ARHGAP42: variants seen among roughly 807,000 people sequenced by gnomAD.
The protein encoded by ARHGAP42 is Rho GTPase activating protein 42.
ARHGAP42 carries 63 observed loss-of-function variants against 125.0 expected under a neutral mutation model. The observed-to-expected ratio is 0.50, with a 90% CI of 0.41 to 0.62. The LOEUF is 0.62. ARHGAP42 is among the 20% of genes least tolerant of loss of function. The pLI, the probability that ARHGAP42 is intolerant of heterozygous loss-of-function variation, is 0.00. For missense variants in ARHGAP42, 766 were observed against 1,024.2 expected, an observed-to-expected ratio of 0.75 and a Z score of 3.44; for synonymous variants, 339 against 351.0, an observed-to-expected ratio of 0.97 and a Z score of 0.38.
intron 10 of ARHGAP42, among the ~76,000 whole-genome samples, chr11:100,944,984 G>C (rs138861145): frequency 6.6e-6 from 1 of 152,020 alleles, no homozygotes; most frequent in Non-Finnish European, 1.5e-5. Flanking sequence ...CTGTTTGATA[G>C]CATTTTACTC....
At chr11:100,930,582 G>C (rs1376759153) in intron 6 of ARHGAP42, among the ~76,000 whole-genome samples, 1 of 152,178 alleles carries the variant, frequency 6.6e-6, no homozygotes, top group African/African-American at 2.4e-5. Flanking sequence ...AATTCTGCTA[G>C]AAGCTGCCAA....
At chr11:100,694,570 C>G (rs1565531032) in intron 1 of ARHGAP42, among the ~76,000 whole-genome samples, 1 of 152,176 alleles carries the variant, frequency 6.6e-6, no homozygotes, top group Admixed American at 6.5e-5. Context: ...CCTGCAGCTC[C>G]ACCTGCCACC....
chr11:100,814,338 G>C (rs1317837804), intron 3 of ARHGAP42, among the ~76,000 whole-genome samples: 1 of 147,060 alleles, frequency 6.8e-6, no homozygotes, highest in Non-Finnish European at 1.5e-5. Context: ...ACTCCAACCT[G>C]GCGACAGAGC....
intron 3 of ARHGAP42, among the ~76,000 whole-genome samples, chr11:100,800,195 C>T (rs1863817980): frequency 6.6e-6 from 1 of 152,032 alleles, no homozygotes. Flanking sequence ...GACAATGGTG[C>T]TGGATTAAGG....
chr11:100,960,995 T>C lies in ARHGAP42; in HGVS notation c.1300+6T>C. The C allele has an allele frequency of 6.5e-7, 1 of 1,529,696 alleles. No homozygotes were observed. The highest frequency in any genetic ancestry group is 8.8e-7 in the Non-Finnish European group (1 of 1,135,576). 94.8% of individuals were successfully genotyped at this position (1,529,696 alleles called of 1,614,324 possible). ...ACTCATGAATACCACATTTTGTAAG[T>C]TTTGGATGAAGCAACTTACATAATT... On this transcript the variant is annotated splice_donor_region_variant and intron_variant, in intron 14 of 23. Transcript: ENST00000298815.
At chr11:100,727,520 A>C (rs1213127128) in intron 1 of ARHGAP42, among the ~76,000 whole-genome samples, 1 of 152,170 alleles carries the variant, frequency 6.6e-6, no homozygotes, top group African/African-American at 2.4e-5. Flanking sequence ...TTGAACTTTC[A>C]GCTCCACCCC....
intron 4 of ARHGAP42, among the ~76,000 whole-genome samples, chr11:100,866,875 A>T (rs1001205513): frequency 6.6e-6 from 1 of 152,204 alleles, no homozygotes; most frequent in Non-Finnish European, 1.5e-5. Flanking sequence ...TTGAAAGTCA[A>T]AATTACTTCT....
intron 4 of ARHGAP42, among the ~76,000 whole-genome samples, chr11:100,865,920 C>T (rs540079332): frequency 5.3e-5 from 8 of 152,142 alleles, no homozygotes; most frequent in Non-Finnish European, 1.2e-4. Context: ...AAGAAGACTA[C>T]AGTGAAGTTT....
rs963933455 is a variant in ARHGAP42, at chr11:100,936,301, G to A, written c.801G>A (p.Thr267=). 9 of 1,551,582 alleles carry A rather than the reference G, an allele frequency of 5.8e-6. No individual in the cohort carries two copies. The highest frequency in any genetic ancestry group is 1.7e-4 in the Middle Eastern group (1 of 5,990). The change falls in exon 8 of 24, where the codon ACG becomes ACA. Residue 267 remains threonine (T), a synonymous_variant. Coordinates refer to ENST00000298815, the MANE Select transcript of ARHGAP42 (RefSeq NM_152432.4). ...ACTACAGACCACCCAGCCAGTGGAC[G>A]ATGGAAGGCTATCTGTATGTCCAGG... ...NQDYRPPSQW[T]MEGYLYVQEK...
At chr11:100,892,767 A>G (rs2135194419) in intron 4 of ARHGAP42, among the ~76,000 whole-genome samples, 1 of 152,316 alleles carries the variant, frequency 6.6e-6, no homozygotes, top group Non-Finnish European at 1.5e-5. Flanking sequence ...TTTTCCATGT[A>G]CAGCATGACT....
intron 6 of ARHGAP42, among the ~76,000 whole-genome samples, chr11:100,922,449 A>G (rs1331379744): frequency 2.0e-5 from 3 of 152,158 alleles, no homozygotes; most frequent in African/African-American, 4.8e-5. Context: ...AGTGACATGT[A>G]TGATGAATAA....
In ARHGAP42 at chr11:100,909,495, C is replaced by T. The variant is rs957498783; in HGVS notation, c.385-3957C>T. 2.6e-5 allele frequency among the ~76,000 whole-genome samples: 4 copies of T among 152,000 alleles called. No individual in the cohort carries two copies. The East Asian group carries it at 7.7e-4, about 29-fold the overall frequency. On this transcript the variant is annotated intron_variant, in intron 4 of 23. Transcript: ENST00000298815. The stretch of plus-strand genomic sequence containing the variant: ...GAATAGCTGGATTACAAATGCCCGT[C>T]GCCATGCCCAGCTAATTTTTGTGTT...
intron 8 of ARHGAP42, 63 bp downstream of exon 8, chr11:100,936,395 T>C (rs947579083): frequency 4.5e-5 from 69 of 1,537,222 alleles, no homozygotes; most frequent in Middle Eastern, 1.7e-4. Context: ...AGATGTGACT[T>C]GGTTAGTAGT....
At chr11:100,752,819 G>A (rs745548345) in intron 1 of ARHGAP42, among the ~76,000 whole-genome samples, 1 of 152,212 alleles carries the variant, frequency 6.6e-6, no homozygotes, top group Non-Finnish European at 1.5e-5. Flanking sequence ...GGGTGGTGCA[G>A]GCTATAGTGA....
intron 9 of ARHGAP42, among the ~76,000 whole-genome samples, chr11:100,943,536 A>G (rs1565287574): frequency 6.6e-6 from 1 of 152,274 alleles, no homozygotes. Flanking sequence ...GGCATGTTAC[A>G]TAATTCTTTT....
intron 4 of ARHGAP42, among the ~76,000 whole-genome samples, chr11:100,887,046 G>A (rs1416571651): frequency 1.3e-5 from 2 of 152,070 alleles, no homozygotes; most frequent in Non-Finnish European, 2.9e-5. Flanking sequence ...ATGCATGTCA[G>A]TACTCAGGAT....
intron 1 of ARHGAP42, among the ~76,000 whole-genome samples, chr11:100,693,836 C>A (rs1025524100): frequency 6.6e-6 from 1 of 152,134 alleles, no homozygotes; most frequent in Non-Finnish European, 1.5e-5. Context: ...ATTAACATTT[C>A]TTGGAGTACA....
At chr11:100,898,381 T>C (rs1866421558) in intron 4 of ARHGAP42, among the ~76,000 whole-genome samples, 1 of 152,192 alleles carries the variant, frequency 6.6e-6, no homozygotes, top group African/African-American at 2.4e-5. Flanking sequence ...AGATTCCCTC[T>C]TTTTCTATTG....
At chr11:100,747,254 C>T (rs1306260382) in intron 1 of ARHGAP42, among the ~76,000 whole-genome samples, 2 of 152,162 alleles carry the variant, frequency 1.3e-5, no homozygotes, top group Non-Finnish European at 2.9e-5. Context: ...GAGAAATTTT[C>T]TTTAGCACCT....
Sources: allele counts gnomAD v4.1 joint callset (sites outside exome capture counted in the v4.1 genomes callset), GRCh38; gene constraint gnomAD v4.1.1; transcripts MANE v1.5; gene names NCBI Gene and HGNC (gene_info 2026-07-23, HGNC 2026-07-21).